HACE1: variants seen among roughly 807,000 people sequenced by gnomAD.
The protein encoded by HACE1 is HECT domain and ankyrin repeat containing E3 ubiquitin protein ligase 1, also known as E3 ubiquitin-protein ligase HACE1.
A neutral mutation model predicts 118.4 loss-of-function variants in HACE1; 73 were observed. The ratio of observed to expected loss-of-function variants is 0.62; its 90% CI spans 0.51 to 0.75. The LOEUF (loss-of-function observed/expected upper bound fraction) is 0.75. Among genes scored for constraint, HACE1 ranks in the 30% least tolerant of loss-of-function variants. The pLI is 0.00. For missense variants in HACE1, 749 were observed against 1,102.2 expected, an observed-to-expected ratio of 0.68 and a Z score of 4.54; for synonymous variants, 368 against 374.8, an observed-to-expected ratio of 0.98 and a Z score of 0.21.
intron 22 of HACE1, among the ~76,000 whole-genome samples, chr6:104,741,514 C>A (rs1394472347): frequency 8.3e-6 from 1 of 119,830 alleles, no homozygotes; most frequent in African/African-American, 3.6e-5. Flanking sequence ...TATACACCAA[C>A]AACAGACAAA....
rs958671725 is a variant in HACE1 at position 104,859,792 on chromosome 6, C to G, written c.-150G>C. The G allele has an allele frequency of 1.5e-6, 1 of 666,302 alleles. No individual in the cohort carries two copies. Among genetic ancestry groups the G allele is most frequent in the African/African-American group, 1.9e-5 (1 of 52,354 alleles). 41.3% of individuals were successfully genotyped at this position (666,302 alleles called of 1,614,324 possible). ...ACTGAGCTGCGAGGGCTGCCTGGGG[C>G]CACGTCCTGCGTCCGGGGGCCGGGC... On this transcript the variant is annotated 5_prime_UTR_variant, in exon 1 of 24. Coordinates refer to ENST00000262903, the MANE Select transcript of HACE1 (RefSeq NM_020771.4).
intron 19 of HACE1, among the ~76,000 whole-genome samples, chr6:104,751,762 T>A (rs1778068314): frequency 6.6e-6 from 1 of 152,164 alleles, no homozygotes; most frequent in South Asian, 2.1e-4. Context: ...ATCATTTATA[T>A]ATTTTTTAAT....
chr6:104,843,013 G>A (rs1265416056), intron 5 of HACE1, among the ~76,000 whole-genome samples: 2 of 152,178 alleles, frequency 1.3e-5, no homozygotes, highest in Non-Finnish European at 2.9e-5. Flanking sequence ...TTGGGTGGCT[G>A]AGGCACAAGA....
chr6:104,819,309 A>G (rs1247294301), intron 6 of HACE1, among the ~76,000 whole-genome samples: 3 of 152,170 alleles, frequency 2.0e-5, no homozygotes, highest in Non-Finnish European at 4.4e-5. Flanking sequence ...AGAATTAAAA[A>G]CCTAGGAATA....
At position 104,791,671 on chromosome 6, in the gene HACE1, A is replaced by G; in HGVS notation, c.924-17T>C. ...CTAGAGAGGCTGAAAATAAAAATTA[A>G]AATATGAGATTAGAGTAAAACAAAT... is the stretch of plus-strand genomic sequence containing the variant. On this transcript the variant is annotated splice_polypyrimidine_tract_variant and intron_variant, in intron 10 of 23. Coordinates refer to ENST00000262903, the MANE Select transcript of HACE1 (RefSeq NM_020771.4). 1.3e-6 allele frequency: 2 copies of G among 1,545,108 alleles called. No individual in the cohort carries two copies. Among genetic ancestry groups the G allele is most frequent in the African/African-American group, 1.4e-5 (1 of 73,720 alleles).
At chr6:104,810,802 A>G (rs985323322) in intron 7 of HACE1, among the ~76,000 whole-genome samples, 2 of 152,134 alleles carry the variant, frequency 1.3e-5, no homozygotes, top group Admixed American at 1.3e-4. Flanking sequence ...ATGTATAACA[A>G]TATCTAACAA....
intron 6 of HACE1, among the ~76,000 whole-genome samples, chr6:104,824,043 C>G (rs1472203554): frequency 6.6e-6 from 1 of 152,158 alleles, no homozygotes. Context: ...TAAGGAAGGT[C>G]TACTTAGTGT....
At chr6:104,818,555 C>T (rs989719647) in intron 6 of HACE1, among the ~76,000 whole-genome samples, 4 of 151,982 alleles carry the variant, frequency 2.6e-5, no homozygotes, top group Non-Finnish European at 5.9e-5. Flanking sequence ...ATCATCCTGA[C>T]ACCAAAACCT....
At chr6:104,832,522 C>T (rs1774114049) in intron 6 of HACE1, among the ~76,000 whole-genome samples, 1 of 151,978 alleles carries the variant, frequency 6.6e-6, no homozygotes, top group South Asian at 2.1e-4. Flanking sequence ...GCCTCCGGAA[C>T]AGCTGGGACT....
intron 22 of HACE1, among the ~76,000 whole-genome samples, chr6:104,738,863 C>T (rs1276781067): frequency 9.3e-5 from 14 of 150,866 alleles, no homozygotes; most frequent in South Asian, 2.1e-4. Flanking sequence ...AGACACATAA[C>T]TGTCAGATTC....
At chr6:104,843,544 C>A (rs1390252870) in intron 4 of HACE1, among the ~76,000 whole-genome samples, 3 of 152,036 alleles carry the variant, frequency 2.0e-5, no homozygotes, top group Admixed American at 6.6e-5. Flanking sequence ...ATCATTGGGA[C>A]AAATCACATT....
intron 22 of HACE1, among the ~76,000 whole-genome samples, chr6:104,737,767 T>G (rs563034092): frequency 2.0e-4 from 30 of 152,314 alleles, no homozygotes; most frequent in South Asian, 4.1e-4. Context: ...GCCCGCCATT[T>G]TCCAGGCTTG....
At chr6:104,820,497 AAAC>A (rs1289592303) in intron 6 of HACE1, among the ~76,000 whole-genome samples, 1 of 152,210 alleles carries the variant, frequency 6.6e-6, no homozygotes, top group South Asian at 2.1e-4. Context: ...ATTTACAAAA[AAAC>A]AACAACCCCA....
intron 19 of HACE1, among the ~76,000 whole-genome samples, chr6:104,764,511 T>C (rs1029081912): frequency 1.1e-4 from 16 of 152,246 alleles, no homozygotes; most frequent in African/African-American, 3.9e-4. Flanking sequence ...TCATTAACAA[T>C]GGTGTTTGCC....
At chr6:104,839,094 G>C (rs1362919859) in intron 5 of HACE1, among the ~76,000 whole-genome samples, 2 of 151,982 alleles carry the variant, frequency 1.3e-5, no homozygotes, top group African/African-American at 2.4e-5. Flanking sequence ...CAAAAGACAA[G>C]CAATAAGAAA....
chr6:104,822,203 T>TA (rs58454908), intron 6 of HACE1, among the ~76,000 whole-genome samples: 39,939 of 102,748 alleles, frequency 0.39, 7,850 homozygotes, highest in African/African-American at 0.52. Context: ...CCGTCTCTAC[T>TA]AAAAAAAAAA....
chr6:104,755,297 G>A (rs187602151), intron 19 of HACE1, among the ~76,000 whole-genome samples: 15 of 152,200 alleles, frequency 9.9e-5, no homozygotes, highest in Admixed American at 9.8e-4. Context: ...TTAGAGAACT[G>A]CAAAGAGACT....
chr6:104,764,225 G>A (rs1316602358), intron 19 of HACE1, among the ~76,000 whole-genome samples: 3 of 151,992 alleles, frequency 2.0e-5, no homozygotes, highest in Non-Finnish European at 4.4e-5. Flanking sequence ...TTACAGGCAC[G>A]CACTACCATG....
intron 7 of HACE1, among the ~76,000 whole-genome samples, chr6:104,802,837 A>G (rs1183443743): frequency 1.3e-5 from 2 of 152,244 alleles, no homozygotes; most frequent in Non-Finnish European, 1.5e-5. Flanking sequence ...TTCAAAAGCT[A>G]GCAGAAGGCA....
Sources: gnomAD v4.1 joint callset for allele counts (sites outside exome capture counted in the v4.1 genomes callset) on GRCh38, gnomAD v4.1.1 for gene constraint, MANE v1.5 for transcripts, NCBI Gene and HGNC (gene_info 2026-07-23, HGNC 2026-07-21) for gene names.